Variants in KAZN observed in about 807,000 individuals in gnomAD.
KAZN encodes kazrin, periplakin interacting protein, also known as kazrin.
In KAZN, 40 loss-of-function variants were observed where a neutral mutation model predicts 87.4. The observed-to-expected ratio is 0.46, with a 90% CI of 0.36 to 0.60. KAZN has a LOEUF of 0.60. Among genes scored for constraint, KAZN ranks in the 20% least tolerant of loss-of-function variants. KAZN has a pLI of 0.00. For missense variants in KAZN, 898 were observed against 1,073.9 expected (o/e 0.84, Z 2.29); for synonymous variants, 466 against 458.3 (o/e 1.02, Z -0.22).
chr1:14,947,680 C>T lies in KAZN; in HGVS notation c.227-13004C>T, dbSNP rs1467274620. Reference sequence around the variant, plus strand: ...CCTGGACCAGCTCTGTGACCTTGAACAAACCTGTTGAAGCCTCCATTACTG... The same window carrying T: ...CCTGGACCAGCTCTGTGACCTTGAATAAACCTGTTGAAGCCTCCATTACTG... On this transcript the variant is annotated intron_variant, in intron 1 of 14. Coordinates refer to ENST00000376030, the MANE Select transcript of KAZN (RefSeq NM_201628.3). Among the ~76,000 whole-genome samples, 10 of 104,908 alleles carry T rather than the reference C, an allele frequency of 9.5e-5. No homozygotes were observed. In the East Asian group the frequency reaches 2.5e-3, roughly 26 times the overall value. The allele number at this position is 104,908 out of a possible 152,430, so 68.8% of individuals were successfully genotyped here.
intron 2 of KAZN, chr1:14,221,847 ATC>A (rs1647106780): frequency 6.6e-6 from 1 of 152,192 alleles, no homozygotes; most frequent in Non-Finnish European, 1.5e-5. Flanking sequence ...ATGGTGAAAC[ATC>A]TCATTTTAGT....
intron 1 of KAZN, among the ~76,000 whole-genome samples, chr1:14,826,625 T>C (rs747789412): frequency 9.9e-5 from 15 of 152,136 alleles, no homozygotes; most frequent in Admixed American, 1.3e-4. Flanking sequence ...AGTGGTTCTG[T>C]CGGTTTCACA....
At chr1:13,964,510 G>C (rs1228501107) in intron 1 of KAZN, among the ~76,000 whole-genome samples, 1 of 152,192 alleles carries the variant, frequency 6.6e-6, no homozygotes, top group African/African-American at 2.4e-5. Context: ...CACCTGGACT[G>C]TGCTCATTCA....
Position 15,098,265 on chromosome 1 carries a change from G to C in KAZN, c.1548-3278G>C, listed in dbSNP as rs1640885465. Among the ~76,000 whole-genome samples the C allele has an allele frequency of 2.6e-5, 4 of 152,352 alleles. No individual in the cohort carries two copies. In the South Asian group the frequency reaches 8.3e-4, roughly 32 times the overall value. Reference sequence around the variant, plus strand: ...CAGTGACAGATTTTATAAAATGTCTGAATTCCTTTTAAAATCATGCTGTTT... The same window carrying C: ...CAGTGACAGATTTTATAAAATGTCTCAATTCCTTTTAAAATCATGCTGTTT... On this transcript the variant is annotated intron_variant, in intron 10 of 14. Transcript: ENST00000376030.
intron 2 of KAZN, among the ~76,000 whole-genome samples, chr1:14,351,818 G>C (rs1442036210): frequency 6.6e-6 from 1 of 152,174 alleles, no homozygotes; most frequent in East Asian, 1.9e-4. Flanking sequence ...TGTACATCTT[G>C]TAAGGATTTT....
intron 1 of KAZN, among the ~76,000 whole-genome samples, chr1:14,011,798 C>T (rs145311073): frequency 1.3e-5 from 2 of 152,228 alleles, no homozygotes; most frequent in Admixed American, 1.3e-4. Context: ...TGAAATAATA[C>T]ATGTATTAAT....
chr1:13,985,782 TG>T (rs1005180901), intron 1 of KAZN, among the ~76,000 whole-genome samples: 2 of 152,254 alleles, frequency 1.3e-5, no homozygotes, highest in African/African-American at 4.8e-5. Flanking sequence ...ATACAGTGTG[TG>T]GTCCTTTGTG....
intron 2 of KAZN, among the ~76,000 whole-genome samples, chr1:14,973,567 A>G (rs1242377031): frequency 6.6e-6 from 1 of 152,116 alleles, no homozygotes; most frequent in Non-Finnish European, 1.5e-5. Context: ...TGTAAAAGAA[A>G]GTGGAGAGGA....
intron 2 of KAZN, among the ~76,000 whole-genome samples, chr1:14,302,136 A>G (rs1654599723): frequency 6.6e-6 from 1 of 152,208 alleles, no homozygotes; most frequent in Non-Finnish European, 1.5e-5. Context: ...ATTTTTATTG[A>G]TAATATCTTT....
intron 1 of KAZN, among the ~76,000 whole-genome samples, chr1:14,868,713 G>A (rs1347002136): frequency 2.6e-5 from 4 of 151,754 alleles, no homozygotes; most frequent in African/African-American, 7.3e-5. Flanking sequence ...GCATGGTGGC[G>A]TGTGCCTGTA....
At chr1:13,981,120 A>ATATATAT (rs1638682216) in intron 1 of KAZN, among the ~76,000 whole-genome samples, 3 of 22,210 alleles carry the variant, frequency 1.4e-4, no homozygotes, top group African/African-American at 1.9e-4. Flanking sequence ...TGTATATATA[A>ATATATAT]ACACAGATTA....
In KAZN at chr1:14,755,122, G is replaced by A. The variant is rs182658320; in HGVS notation, c.226+155899G>A. ...AAAAAAAATAGCCAGGTGTGGTGGC[G>A]TGTGCCCACAGTTCCAGCTACTCAG... On this transcript the variant is annotated intron_variant, in intron 1 of 14. Coordinates refer to ENST00000376030, the MANE Select transcript of KAZN (RefSeq NM_201628.3). Among the ~76,000 whole-genome samples the A allele has an allele frequency of 4.6e-3, 688 of 150,840 alleles. 2 individuals are homozygous for A. Among genetic ancestry groups the A allele is most frequent in the Non-Finnish European group, 7.2e-3 (490 of 67,800 alleles).
At chr1:14,114,645 T>C (rs1644573862) in intron 1 of KAZN, among the ~76,000 whole-genome samples, 1 of 152,244 alleles carries the variant, frequency 6.6e-6, no homozygotes, top group South Asian at 2.1e-4. Flanking sequence ...AATGGTTTGA[T>C]AGATTTATCT....
chr1:14,577,815 G>C (rs1571971234), intron 2 of KAZN, among the ~76,000 whole-genome samples: 1 of 152,180 alleles, frequency 6.6e-6, no homozygotes, highest in African/African-American at 2.4e-5. Context: ...GACAACCCTA[G>C]GAGAGGCAAG....
upstream of KAZN, among the ~76,000 whole-genome samples, chr1:14,594,268 G>A (rs546270123): frequency 2.6e-5 from 4 of 152,284 alleles, no homozygotes; most frequent in East Asian, 1.9e-4. Context: ...AGGTGCATAC[G>A]GCTGTGCTGT....
chr1:14,743,424 T>C (rs1005046648), intron 1 of KAZN, among the ~76,000 whole-genome samples: 4 of 130,542 alleles, frequency 3.1e-5, no homozygotes, highest in Admixed American at 7.5e-5. Flanking sequence ...AGCGAGACTC[T>C]GTCTCAAAAA....
intron 1 of KAZN, among the ~76,000 whole-genome samples, chr1:14,635,646 T>C (rs1290182700): frequency 6.6e-6 from 1 of 152,206 alleles, no homozygotes; most frequent in Non-Finnish European, 1.5e-5. Context: ...CAGGGCATCA[T>C]TGGAGATGCA....
At position 14,869,920 on chromosome 1, in the gene KAZN, T is replaced by C. The variant is rs576943743; in HGVS notation, c.227-90764T>C. On this transcript the variant is annotated intron_variant, in intron 1 of 14. Transcript: ENST00000376030. ...CGGTCTCCTGCCCTCAGCCCCTTCC[T>C]TCCTGAAGCCACCCAACACCCACCC... is the stretch of plus-strand genomic sequence containing the variant. Among the ~76,000 whole-genome samples the C allele has an allele frequency of 8.9e-4, 135 of 152,332 alleles. 2 individuals carry two copies. The highest frequency in any genetic ancestry group is 1.8e-3 in the Non-Finnish European group (121 of 68,026).
intron 1 of KAZN, among the ~76,000 whole-genome samples, chr1:14,776,048 C>T (rs899409437): frequency 2.0e-5 from 3 of 152,158 alleles, no homozygotes; most frequent in Non-Finnish European, 4.4e-5. Context: ...CTTGCTCTGA[C>T]GCCCAGGCTG....
Sources: allele counts gnomAD v4.1 joint callset (sites outside exome capture counted in the v4.1 genomes callset), GRCh38; gene constraint gnomAD v4.1.1; transcripts MANE v1.5; gene names NCBI Gene and HGNC (gene_info 2026-07-23, HGNC 2026-07-21).